The following NDC1 variants were observed in gnomAD, a reference collection of about 807,000 sequenced individuals.
NDC1 encodes nucleoporin NDC1.
In NDC1, 24 loss-of-function variants were observed where a neutral mutation model predicts 89.8. The observed-to-expected ratio is 0.27, with a 90% confidence interval of 0.19 to 0.38. NDC1 has a LOEUF of 0.38. Ranked by LOEUF, NDC1 falls within the 10% of genes least tolerant of loss-of-function variation. The pLI is 1.00. For synonymous variants in NDC1, 296 were observed against 284.8 expected (o/e 1.04, Z -0.39); for missense variants, 728 against 797.6 (o/e 0.91, Z 1.05).
intron 3 of NDC1, among the ~76,000 whole-genome samples, chr1:53,830,506 C>G (rs1649021719): frequency 6.6e-6 from 1 of 152,032 alleles, no homozygotes; most frequent in African/African-American, 2.4e-5. Flanking sequence ...TTGTAACATC[C>G]AAAGTCAGAA....
At chr1:53,800,594 G>C (rs1269402018) in intron 11 of NDC1, 99 bp downstream of exon 11, 1 of 1,337,728 alleles carries the variant, frequency 7.5e-7, no homozygotes, top group East Asian at 2.3e-5. Flanking sequence ...CAAAGTGCGG[G>C]GATAACAGGC....
At position 53,793,289 on chromosome 1, in the gene NDC1, A is replaced by C; in HGVS notation, c.1585-10T>G. 1 of 1,598,884 alleles carries C rather than the reference A, an allele frequency of 6.3e-7. No individual in the cohort carries two copies. Among genetic ancestry groups the C allele is most frequent in the Non-Finnish European group, 8.6e-7 (1 of 1,166,178 alleles). The stretch of plus-strand genomic sequence containing the variant: ...ACAAGAAATTCTTAATCTGAGTTGG[A>C]AAAAAGGAAGAATTAACACATTTAC... On this transcript the variant is annotated splice_polypyrimidine_tract_variant and intron_variant, in intron 13 of 17. Transcript: ENST00000371429.
chr1:53,775,684 TC>T (rs1197247695), intron 16 of NDC1, among the ~76,000 whole-genome samples: 6 of 152,150 alleles, frequency 3.9e-5, no homozygotes, highest in Non-Finnish European at 7.4e-5. Flanking sequence ...TCAGCACTTA[TC>T]CCCTTACAAA....
Position 53,827,310 on chromosome 1 carries a change from G to A in NDC1, c.455+689C>T, listed in dbSNP as rs1648903370. ...AAACAAGGTCTCACTATGCTGCCCA[G>A]GCTGGAGTGCAGGAGCTATTCACAG... On this transcript the variant is annotated intron_variant, in intron 4 of 17. Transcript: ENST00000371429. Among the ~76,000 whole-genome samples the A allele has an allele frequency of 2.0e-5, 3 of 150,958 alleles. No homozygotes were observed. In the South Asian group the frequency reaches 6.3e-4, roughly 32 times the overall value.
intron 2 of NDC1, among the ~76,000 whole-genome samples, chr1:53,834,913 G>A (rs190399825): frequency 6.6e-6 from 1 of 152,174 alleles, no homozygotes; most frequent in Admixed American, 6.5e-5. Flanking sequence ...CTCAAGACCA[G>A]CCTGGGTAAC....
intron 9 of NDC1, among the ~76,000 whole-genome samples, chr1:53,805,880 C>A (rs919378408): frequency 5.9e-5 from 9 of 152,294 alleles, no homozygotes; most frequent in African/African-American, 2.2e-4. Flanking sequence ...CGAGACCATC[C>A]TGGCTAACAC....
At position 53,819,078 on chromosome 1, in the gene NDC1, T is replaced by C. The variant is rs778254143; in HGVS notation, c.596A>G (p.Gln199Arg). Residue 199 changes from glutamine (Q) to arginine (R), a missense_variant and splice_region_variant, in exon 6 of 18, where the codon CAA becomes CGA. Gln to Arg is a conservative substitution (Grantham distance 43). Coordinates refer to ENST00000371429, the MANE Select transcript of NDC1 (RefSeq NM_018087.5). ...TCTCCTAAAACGCAAGAACTTGTAT[T>C]GCTGTGGGGAAAAAAAAAAGAATCA... is the stretch of plus-strand genomic sequence containing the variant. The part of the protein sequence containing the change: ...MNYLPFPIIQ[Q>R]YKFLRFRRSL... The C allele has an allele frequency of 4.8e-6, 7 of 1,472,600 alleles. No homozygotes were observed. The highest frequency in any genetic ancestry group is 1.4e-5 in the African/African-American group (1 of 70,758). 91.2% of individuals were successfully genotyped at this position (1,472,600 alleles called of 1,614,324 possible).
At position 53,769,881 on chromosome 1, in the gene NDC1, A is replaced by G. The variant is rs550179525; in HGVS notation, c.1962-1848T>C. On this transcript the variant is annotated intron_variant, in intron 17 of 17. Coordinates refer to ENST00000371429, the MANE Select transcript of NDC1 (RefSeq NM_018087.5). ...TAGGTTAGGAGTATAGACACTAGAG[A>G]TAGAACCCTAGGGTTAGAAAGATTT... 1.2e-4 allele frequency among the ~76,000 whole-genome samples: 18 copies of G among 152,334 alleles called. No individual in the cohort carries two copies. In the South Asian group the frequency reaches 3.7e-3, roughly 32 times the overall value.
At chr1:53,805,537 G>T (rs1175113661) in intron 9 of NDC1, among the ~76,000 whole-genome samples, 1 of 152,086 alleles carries the variant, frequency 6.6e-6, no homozygotes, top group Non-Finnish European at 1.5e-5. Flanking sequence ...CACACATACT[G>T]TAGATCTAGT....
intron 7 of NDC1, among the ~76,000 whole-genome samples, chr1:53,808,045 G>A (rs777194336): frequency 3.3e-5 from 5 of 152,186 alleles, no homozygotes; most frequent in Non-Finnish European, 7.3e-5. Flanking sequence ...CTTTTACTAC[G>A]AAGGAGGAAT....
At chr1:53,780,591 G>C (rs1233054644) in intron 16 of NDC1, among the ~76,000 whole-genome samples, 1 of 152,260 alleles carries the variant, frequency 6.6e-6, no homozygotes, top group East Asian at 1.9e-4. Flanking sequence ...ATTCCAAATA[G>C]ATCAAAATTT....
At chr1:53,837,276 T>A (rs1323785368) in intron 1 of NDC1, among the ~76,000 whole-genome samples, 3 of 152,108 alleles carry the variant, frequency 2.0e-5, no homozygotes, top group Non-Finnish European at 4.4e-5. Context: ...AAATAATTTT[T>A]AAAAAAATTT....
rs758747389 is a variant in NDC1, at chr1:53,825,944, G to GA, written c.456-9dup. ...GCAGCAGGGCTACCAAAGCTGAAGG[G>GA]AAAAAATTAAGTTATTAATTCAACA... is the stretch of plus-strand genomic sequence containing the variant. On this transcript the variant is annotated splice_polypyrimidine_tract_variant and intron_variant, in intron 4 of 17. Coordinates refer to ENST00000371429, the MANE Select transcript of NDC1 (RefSeq NM_018087.5). The GA allele has an allele frequency of 3.1e-6, 5 of 1,608,732 alleles. No individual in the cohort carries two copies. In the South Asian group the frequency reaches 3.3e-5, roughly 11 times the overall value.
intron 13 of NDC1, among the ~76,000 whole-genome samples, chr1:53,793,944 A>C (rs940512927): frequency 6.6e-6 from 1 of 151,722 alleles, no homozygotes; most frequent in African/African-American, 2.4e-5. Flanking sequence ...TTTAATACCC[A>C]AAAAAAGAGT....
intron 11 of NDC1, 87 bp downstream of exon 11, chr1:53,800,606 T>C: frequency 6.8e-7 from 1 of 1,464,544 alleles, no homozygotes; most frequent in Non-Finnish European, 9.5e-7. Flanking sequence ...ATAACAGGCG[T>C]GAGCCACAGC....
intron 14 of NDC1, among the ~76,000 whole-genome samples, chr1:53,791,237 C>T (rs894786498): frequency 1.3e-5 from 2 of 151,948 alleles, no homozygotes; most frequent in Admixed American, 6.6e-5. Flanking sequence ...GGCTAACACG[C>T]TAAAACTCCG....
intron 16 of NDC1, among the ~76,000 whole-genome samples, chr1:53,778,440 T>C (rs1326839118): frequency 6.6e-6 from 1 of 152,096 alleles, no homozygotes; most frequent in Non-Finnish European, 1.5e-5. Flanking sequence ...TTTACAGTAG[T>C]CATAAAGTTT....
intron 16 of NDC1, among the ~76,000 whole-genome samples, chr1:53,776,349 T>C (rs1003900758): frequency 6.6e-6 from 1 of 152,172 alleles, no homozygotes; most frequent in Non-Finnish European, 1.5e-5. Flanking sequence ...CATGTAGCTA[T>C]TGAGCACCTG....
chr1:53,776,835 T>C (rs1171043489), intron 16 of NDC1, among the ~76,000 whole-genome samples: 2 of 152,220 alleles, frequency 1.3e-5, no homozygotes, highest in African/African-American at 4.8e-5. Flanking sequence ...CATGATTTTA[T>C]CATTATTCTG....
Sources: gnomAD v4.1 joint callset for allele counts (sites outside exome capture counted in the v4.1 genomes callset) on GRCh38, gnomAD v4.1.1 for gene constraint, MANE v1.5 for transcripts, NCBI Gene and HGNC (gene_info 2026-07-23, HGNC 2026-07-21) for gene names.